Variants in SLC25A13 observed in about 807,000 individuals in gnomAD.
SLC25A13 encodes the protein solute carrier family 25 member 13.
In SLC25A13, 70 loss-of-function variants were observed where a neutral mutation model predicts 85.5. The observed-to-expected ratio is 0.82, with a 90% confidence interval of 0.68 to 1.00. SLC25A13 has a LOEUF of 1.00. SLC25A13 is among the 50% of genes least tolerant of loss of function. The pLI, the probability that SLC25A13 is intolerant of heterozygous loss-of-function variation, is 0.00. For synonymous variants in SLC25A13, 259 were observed against 288.7 expected (o/e 0.90, Z 1.04); for missense variants, 765 against 819.8 (o/e 0.93, Z 0.82).
At chr7:96,126,742 T>C (rs1162665920) in intron 15 of SLC25A13, among the ~76,000 whole-genome samples, 1 of 152,180 alleles carries the variant, frequency 6.6e-6, no homozygotes, top group Non-Finnish European at 1.5e-5. Context: ...CATTTTCTAG[T>C]GCCAATAAAG....
chr7:96,284,538 T>C (rs1482839875), intron 2 of SLC25A13, among the ~76,000 whole-genome samples: 1 of 152,214 alleles, frequency 6.6e-6, no homozygotes, highest in African/African-American at 2.4e-5. Context: ...CATCTTTCGC[T>C]ACAGAGATTT....
At chr7:96,151,145 G>A (rs1360554627) in intron 13 of SLC25A13, among the ~76,000 whole-genome samples, 1 of 151,962 alleles carries the variant, frequency 6.6e-6, no homozygotes, top group East Asian at 1.9e-4. Flanking sequence ...CAGTGACAAG[G>A]GCATATCACA....
intron 9 of SLC25A13, among the ~76,000 whole-genome samples, chr7:96,188,196 G>T (rs1352286712): frequency 6.6e-6 from 1 of 152,164 alleles, no homozygotes; most frequent in Non-Finnish European, 1.5e-5. Flanking sequence ...GAGCAGTGTT[G>T]CTTCCACCTC....
At chr7:96,307,869 C>T (rs1051190331) in intron 1 of SLC25A13, among the ~76,000 whole-genome samples, 3 of 151,322 alleles carry the variant, frequency 2.0e-5, no homozygotes, top group Non-Finnish European at 4.4e-5. Flanking sequence ...GACTCCACTG[C>T]GGCCGGGCGC....
chr7:96,168,549 G>T (rs1793868333), intron 13 of SLC25A13, among the ~76,000 whole-genome samples: 1 of 152,124 alleles, frequency 6.6e-6, no homozygotes, highest in Non-Finnish European at 1.5e-5. Flanking sequence ...GAAAATACGT[G>T]CCACAACCAA....
intron 1 of SLC25A13, among the ~76,000 whole-genome samples, chr7:96,314,926 C>T (rs933731154): frequency 6.6e-6 from 1 of 152,166 alleles, no homozygotes; most frequent in African/African-American, 2.4e-5. Context: ...AACACTGGCA[C>T]CACATGGCCC....
intron 3 of SLC25A13, among the ~76,000 whole-genome samples, chr7:96,269,347 G>A (rs76555480): frequency 5.9e-5 from 9 of 152,146 alleles, no homozygotes. Context: ...AAGTGCACAG[G>A]CATTTAAATT....
chr7:96,294,346 G>A (rs1396925684), intron 2 of SLC25A13, among the ~76,000 whole-genome samples: 1 of 152,118 alleles, frequency 6.6e-6, no homozygotes, highest in African/African-American at 2.4e-5. Context: ...AAGTTAATGG[G>A]TGCAGCACAT....
chr7:96,280,973 T>C (rs928884381), intron 2 of SLC25A13, among the ~76,000 whole-genome samples: 6 of 152,114 alleles, frequency 3.9e-5, no homozygotes, highest in Non-Finnish European at 8.8e-5. Context: ...TATGTGAAAA[T>C]GCCCACAGCG....
intron 3 of SLC25A13, among the ~76,000 whole-genome samples, chr7:96,263,942 C>T (rs535683377): frequency 2.0e-5 from 3 of 152,140 alleles, no homozygotes; most frequent in Non-Finnish European, 4.4e-5. Flanking sequence ...CCCAATTGAT[C>T]AACAACCTTC....
intron 14 of SLC25A13, among the ~76,000 whole-genome samples, chr7:96,140,965 C>A (rs181137653): frequency 6.6e-6 from 1 of 151,162 alleles, no homozygotes; most frequent in Non-Finnish European, 1.5e-5. Flanking sequence ...TTTTTCTTCA[C>A]GGTAGCACCA....
At chr7:96,251,913 T>A (rs1423646430) in intron 3 of SLC25A13, among the ~76,000 whole-genome samples, 1 of 152,232 alleles carries the variant, frequency 6.6e-6, no homozygotes, top group Non-Finnish European at 1.5e-5. Flanking sequence ...ACCAACCTGA[T>A]GAGTCTTTAC....
chr7:96,121,857 G>C lies in SLC25A13; in HGVS notation c.1732C>G (p.Leu578Val). Residue 578 changes from leucine (L) to valine (V), a missense_variant, in exon 16 of 18, where the codon CTG (leucine) becomes GTG (valine). By Grantham distance (32) the Leu-to-Val change is conservative (BLOSUM62 1). Transcript: ENST00000265631. ...TCCATACCACCAGCTCCCTTCCACA[G>C]AGCTTTTGGTCCTTCTTCACGCAGT... Reference protein sequence around the residue: ...KILREEGPKALWKGAGARVFR... With the variant: ...KILREEGPKAVWKGAGARVFR... The C allele has an allele frequency of 6.2e-7, 1 of 1,614,198 alleles. No individual in the cohort carries two copies. The highest frequency in any genetic ancestry group is 8.5e-7 in the Non-Finnish European group (1 of 1,180,030).
chr7:96,209,386 G>T (rs913237364), intron 4 of SLC25A13, among the ~76,000 whole-genome samples: 1 of 31,100 alleles, frequency 3.2e-5, no homozygotes, highest in Non-Finnish European at 7.5e-5. Flanking sequence ...ACACACACAC[G>T]ATACAAGCGT....
intron 14 of SLC25A13, among the ~76,000 whole-genome samples, chr7:96,132,631 T>C (rs970637075): frequency 2.6e-5 from 4 of 152,206 alleles, no homozygotes; most frequent in Admixed American, 6.5e-5. Context: ...AAATATGATA[T>C]ATTATGATGA....
At chr7:96,272,476 C>A (rs1798278830) in intron 3 of SLC25A13, among the ~76,000 whole-genome samples, 1 of 152,176 alleles carries the variant, frequency 6.6e-6, no homozygotes, top group Admixed American at 6.5e-5. Context: ...GTGCCCAGAG[C>A]TTTGTTCCTA....
At chr7:96,205,081 T>C (rs1795407665) in intron 5 of SLC25A13, among the ~76,000 whole-genome samples, 2 of 152,134 alleles carry the variant, frequency 1.3e-5, no homozygotes, top group Admixed American at 1.3e-4. Context: ...CTAATTTTTT[T>C]GTATTTTTGG....
intron 13 of SLC25A13, among the ~76,000 whole-genome samples, chr7:96,161,681 C>G (rs562952714): frequency 6.6e-6 from 1 of 152,212 alleles, no homozygotes; most frequent in Non-Finnish European, 1.5e-5. Context: ...AAAGCAGTGA[C>G]CATGGTTGAC....
intron 14 of SLC25A13, among the ~76,000 whole-genome samples, chr7:96,132,848 G>T (rs1441024643): frequency 2.6e-5 from 4 of 152,202 alleles, no homozygotes; most frequent in Admixed American, 2.0e-4. Flanking sequence ...TTGAGGCCTA[G>T]TAATGCTGGA....
Sources: gnomAD v4.1 joint callset for allele counts (sites outside exome capture counted in the v4.1 genomes callset) on GRCh38, gnomAD v4.1.1 for gene constraint, MANE v1.5 for transcripts, NCBI Gene and HGNC (gene_info 2026-07-23, HGNC 2026-07-21) for gene names.